Variants in PIKFYVE observed in about 807,000 individuals in gnomAD.
The protein encoded by PIKFYVE is 1-phosphatidylinositol 3-phosphate 5-kinase.
Under a neutral mutation model 257.9 loss-of-function variants are expected in PIKFYVE, and 122 were observed. The observed-to-expected ratio is 0.47, with a 90% CI of 0.41 to 0.55. The LOEUF is 0.55. Ranked by LOEUF, PIKFYVE falls within the 20% of genes least tolerant of loss-of-function variation. The pLI is 0.00. For synonymous variants in PIKFYVE, 892 were observed against 868.9 expected (o/e 1.03, Z -0.47); for missense variants, 2,160 against 2,536.6 (o/e 0.85, Z 3.19).
intron 30 of PIKFYVE, among the ~76,000 whole-genome samples, 179 bp from the exon 31 acceptor site, chr2:208,339,832 T>G (rs879293500): frequency 6.6e-6 from 1 of 152,238 alleles, no homozygotes; most frequent in Non-Finnish European, 1.5e-5. Context: ...CTGTGTATGC[T>G]TCACTGTTGT....
intron 16 of PIKFYVE, among the ~76,000 whole-genome samples, chr2:208,318,785 G>C (rs11691313): frequency 0.93 from 141,539 of 152,072 alleles, 66,388 homozygotes; most frequent in Non-Finnish European, 0.98. Flanking sequence ...AACCACATCT[G>C]TACTAAAAAT....
At chr2:208,298,869 G>A (rs1693324520) in intron 8 of PIKFYVE, 90 bp downstream of exon 8, 1 of 1,518,256 alleles carries the variant, frequency 6.6e-7, no homozygotes, top group Non-Finnish European at 9.0e-7. Flanking sequence ...TTGAGACACG[G>A]TCTTGGTGTG....
In PIKFYVE at chr2:208,330,532, T is replaced by G; in HGVS notation, c.3801T>G (p.Tyr1267Ter). ...CTTTTGTTTGTCAAAGGCCTTCTTA[T>G]CAGTGTCCAAGCATGTTCTGTGATA... is the stretch of plus-strand genomic sequence containing the variant. ...FLERYCFRPS[Y>*]QCPSMFCDTP... is the part of the protein sequence containing the mutation. Residue 1267 changes from tyrosine to a stop codon, truncating the protein, a stop_gained, in exon 23 of 42, where the codon TAT becomes TAG. Coordinates refer to ENST00000264380, the MANE Select transcript of PIKFYVE (RefSeq NM_015040.4). LOFTEE classifies it high-confidence loss of function. 6.2e-7 allele frequency: 1 copy of G among 1,614,180 alleles called. No homozygotes were observed. Among genetic ancestry groups the G allele is most frequent in the Non-Finnish European group, 8.5e-7 (1 of 1,180,014 alleles).
In PIKFYVE at chr2:208,339,468, C is replaced by T. The variant is rs758731108; in HGVS notation, c.4723C>T (p.His1575Tyr). The T allele has an allele frequency of 1.2e-6, 2 of 1,614,142 alleles. No homozygotes were observed. The highest frequency in any genetic ancestry group is 2.2e-5 in the East Asian group (1 of 44,866). ...LSSQSSTSSTHLQLPTPPEVM... is the reference protein window; with the variant it reads ...LSSQSSTSSTYLQLPTPPEVM... ...CAGCCAGAGCTCCACCAGTTCTACT[C>T]ATCTCCAATTGCCTACGCCACCTGA... is the stretch of plus-strand genomic sequence containing the variant. The change falls in exon 30 of 42, where the codon CAT (histidine) becomes TAT (tyrosine). Residue 1575 changes from histidine (H) to tyrosine (Y), a missense_variant. Transcript: ENST00000264380.
At chr2:208,267,142 C>T (rs553542805) in intron 1 of PIKFYVE, among the ~76,000 whole-genome samples, 1 of 152,330 alleles carries the variant, frequency 6.6e-6, no homozygotes, top group Non-Finnish European at 1.5e-5. Flanking sequence ...GATTCATTAT[C>T]TACTATTGAC....
At chr2:208,298,439 G>A (rs1049557358) in intron 7 of PIKFYVE, among the ~76,000 whole-genome samples, 2 of 151,618 alleles carry the variant, frequency 1.3e-5, no homozygotes, top group Non-Finnish European at 2.9e-5. Context: ...ACATAGGGTT[G>A]CAAATATCGT....
In PIKFYVE at chr2:208,305,393, G is replaced by A. The variant is rs1002396540; in HGVS notation, c.1636+380G>A. Reference sequence around the variant, plus strand: ...ATTTTAAAGCCTATTTGCCTTTGCCGTTACCCAGTAACATAATATTTCACT... The same window carrying A: ...ATTTTAAAGCCTATTTGCCTTTGCCATTACCCAGTAACATAATATTTCACT... On this transcript the variant is annotated intron_variant, in intron 12 of 41. Coordinates refer to ENST00000264380, the MANE Select transcript of PIKFYVE (RefSeq NM_015040.4). 1.4e-5 allele frequency: 15 copies of A among 1,096,712 alleles called. No homozygotes were observed. In the African/African-American group the frequency reaches 1.8e-4, roughly 13 times the overall value. 67.9% of individuals were successfully genotyped at this position (1,096,712 alleles called of 1,614,324 possible). A position where few individuals can be genotyped will look rare whatever the true frequency, so the allele number is the denominator to read the frequency against.
chr2:208,351,399 T>C lies in PIKFYVE; in HGVS notation c.5659T>C (p.Phe1887Leu). 6.2e-7 allele frequency: 1 copy of C among 1,614,040 alleles called. No individual in the cohort carries two copies. The highest frequency in any genetic ancestry group is 8.5e-7 in the Non-Finnish European group (1 of 1,179,868). Residue 1887 changes from phenylalanine to leucine, a missense_variant, in exon 38 of 42, where the codon TTC (phenylalanine) becomes CTC (leucine). By Grantham distance (22) the Phe-to-Leu change is conservative. Coordinates refer to ENST00000264380, the MANE Select transcript of PIKFYVE (RefSeq NM_015040.4). Reference protein sequence around the residue: ...KQMPRLEVQSFLDFAPHYFNY... With the variant: ...KQMPRLEVQSLLDFAPHYFNY... ...AATGCCTCGTCTGGAAGTCCAGTCC[T>C]TCCTCGACTTTGCACCACATTACTT... is the stretch of plus-strand genomic sequence containing the variant.
chr2:208,333,607 A>T, intron 24 of PIKFYVE, 114 bp downstream of exon 24: 1 of 1,141,954 alleles, frequency 8.8e-7, no homozygotes. Flanking sequence ...CCCCATTTAT[A>T]CCCTTATAAA....
intron 16 of PIKFYVE, among the ~76,000 whole-genome samples, chr2:208,318,479 A>G (rs1009953868): frequency 6.6e-6 from 1 of 152,220 alleles, no homozygotes; most frequent in Non-Finnish European, 1.5e-5. Flanking sequence ...GAAGCAGGCA[A>G]GGGCTTTGTA....
At chr2:208,289,300 T>C (rs996027858) in intron 7 of PIKFYVE, among the ~76,000 whole-genome samples, 26 of 152,218 alleles carry the variant, frequency 1.7e-4, no homozygotes, top group African/African-American at 6.3e-4. Context: ...TTTAATTGCT[T>C]TGAAAAAATG....
At chr2:208,288,585 C>G in intron 6 of PIKFYVE, 144 bp from the exon 7 acceptor site, 3 of 1,261,480 alleles carry the variant, frequency 2.4e-6, no homozygotes, top group African/African-American at 1.5e-5. Flanking sequence ...CCATTTACAC[C>G]CTAATTAAAG....
intron 12 of PIKFYVE, among the ~76,000 whole-genome samples, chr2:208,306,154 G>T (rs1694289336): frequency 6.6e-6 from 1 of 152,192 alleles, no homozygotes; most frequent in Admixed American, 6.5e-5. Flanking sequence ...TAATAAAAAG[G>T]AATATGTTAT....
chr2:208,324,874 C>T lies in PIKFYVE; in HGVS notation c.2332-37C>T, dbSNP rs759786142. 4 of 1,603,900 alleles carry T rather than the reference C, an allele frequency of 2.5e-6. No individual in the cohort carries two copies. The South Asian group carries it at 4.4e-5, about 18-fold the overall frequency. ...TAAATTTACAAAGATTTTTATTCTT[C>T]TCTAGTTTTGTAATACAATGTTTTT... On this transcript the variant is annotated intron_variant, in intron 18 of 41. Coordinates refer to ENST00000264380, the MANE Select transcript of PIKFYVE (RefSeq NM_015040.4).
chr2:208,330,269 T>G (rs1356233638), intron 22 of PIKFYVE, among the ~76,000 whole-genome samples: 1 of 152,158 alleles, frequency 6.6e-6, no homozygotes, highest in African/African-American at 2.4e-5. Flanking sequence ...ACTTTACTAG[T>G]CCCCTTTATA....
chr2:208,324,807 T>A, intron 18 of PIKFYVE, 104 bp from the exon 19 acceptor site: 1 of 1,365,286 alleles, frequency 7.3e-7, no homozygotes, highest in Non-Finnish European at 1.0e-6. Context: ...AAAAGGAAAT[T>A]TGTGAATGTT....
chr2:208,271,374 C>A, intron 1 of PIKFYVE, 137 bp from the exon 2 acceptor site: 1 of 813,960 alleles, frequency 1.2e-6, no homozygotes, highest in Non-Finnish European at 2.1e-6. Flanking sequence ...ATATATGAAG[C>A]TAGATTTATT....
intron 25 of PIKFYVE, 35 bp from the exon 26 acceptor site, chr2:208,335,758 C>G (rs367619877): frequency 1.5e-4 from 220 of 1,482,386 alleles, no homozygotes; most frequent in Non-Finnish European, 2.0e-4. Context: ...TTGATTCACC[C>G]TTTCTAAAGT....
Position 208,333,297 on chromosome 2 carries a change from A to G in PIKFYVE, c.3964-18A>G, listed in dbSNP as rs773646150. On this transcript the variant is annotated intron_variant, in intron 23 of 41. Coordinates refer to ENST00000264380, the MANE Select transcript of PIKFYVE (RefSeq NM_015040.4). ...TTCTCAATATGTGATTAGGTAAACT[A>G]TTTTTGCTGAATTCCAGGTAACACC... The G allele has an allele frequency of 1.4e-5, 23 of 1,612,472 alleles. No individual in the cohort carries two copies. The highest frequency in any genetic ancestry group is 1.8e-5 in the Non-Finnish European group (21 of 1,179,038).
Sources: allele counts gnomAD v4.1 joint callset (sites outside exome capture counted in the v4.1 genomes callset), GRCh38; gene constraint gnomAD v4.1.1; transcripts MANE v1.5; gene names NCBI Gene and HGNC (gene_info 2026-07-23, HGNC 2026-07-21).